Variants in APOLD1 observed in about 807,000 individuals in gnomAD.
APOLD1 encodes apolipoprotein L domain containing 1.
A neutral mutation model predicts 15.3 loss-of-function variants in APOLD1; 22 were observed. The ratio of observed to expected loss-of-function variants is 1.44; its 90% CI spans 1.03 to 2.05. APOLD1 has a LOEUF of 2.05. APOLD1 is among the 30% of genes most tolerant of loss of function. The probability of loss-of-function intolerance (pLI) is 0.00; values close to 1 mark genes in which losing one functional copy is unlikely to be tolerated. For synonymous variants in APOLD1, 190 were observed against 167.4 expected (o/e 1.13, Z -1.04); for missense variants, 394 against 353.5 (o/e 1.11, Z -0.92).
intron 1 of APOLD1, among the ~76,000 whole-genome samples, chr12:12,764,162 C>T (rs941364426): frequency 2.0e-5 from 3 of 152,098 alleles, no homozygotes; most frequent in African/African-American, 7.2e-5. Flanking sequence ...AGGGTTTCGC[C>T]ATGTTGGGCA....
chr12:12,731,463 A>G (rs1274313181), intron 1 of APOLD1, among the ~76,000 whole-genome samples: 1 of 152,204 alleles, frequency 6.6e-6, no homozygotes, highest in African/African-American at 2.4e-5. Flanking sequence ...ATTTGTGGTA[A>G]TAAATCAGTA....
rs192282914 is a variant in APOLD1 at position 12,745,627 on chromosome 12, C to G, written c.96+19531C>G. 6.6e-5 allele frequency among the ~76,000 whole-genome samples: 10 copies of G among 152,192 alleles called. No homozygotes were observed. In the East Asian group the frequency reaches 1.7e-3, roughly 26 times the overall value. On this transcript the variant is annotated intron_variant, in intron 1 of 1. Transcript: ENST00000326765. ...CAAAGAATATTTTAATGGAAAGCTT[C>G]CTATATTGCGTGTAGTGTAACATTC...
At chr12:12,735,247 T>TA (rs1314713614) in intron 1 of APOLD1, among the ~76,000 whole-genome samples, 2 of 151,424 alleles carry the variant, frequency 1.3e-5, no homozygotes, top group Non-Finnish European at 2.9e-5. Context: ...ACAAACAAAA[T>TA]AAAAAATGCC....
chr12:12,739,548 T>A (rs1351338907), intron 1 of APOLD1, among the ~76,000 whole-genome samples: 1 of 152,188 alleles, frequency 6.6e-6, no homozygotes, highest in Non-Finnish European at 1.5e-5. Flanking sequence ...CAGAGTGACT[T>A]GCAGAGTAAA....
intron 1 of APOLD1, among the ~76,000 whole-genome samples, chr12:12,754,328 A>T (rs1946839429): frequency 6.6e-6 from 1 of 151,988 alleles, no homozygotes; most frequent in Non-Finnish European, 1.5e-5. Flanking sequence ...CTCCCAAAGC[A>T]CTGGGATTAC....
upstream of APOLD1, among the ~76,000 whole-genome samples, chr12:12,781,375 C>T (rs559665646): frequency 5.3e-5 from 8 of 152,070 alleles, no homozygotes; most frequent in South Asian, 4.1e-4. Context: ...ACCTGGGAGG[C>T]GGAGGTTGCA....
intron 1 of APOLD1, chr12:12,771,466 T>C: frequency 4.2e-6 from 2 of 476,306 alleles, no homozygotes; most frequent in South Asian, 1.6e-5. Context: ...CTGGTTTCAG[T>C]GCAAAGTTTT....
intron 1 of APOLD1, among the ~76,000 whole-genome samples, chr12:12,751,584 C>T (rs752354175): frequency 8.6e-5 from 13 of 151,772 alleles, no homozygotes; most frequent in Non-Finnish European, 1.5e-4. Context: ...CTCCTGGCCT[C>T]GAATGATCCA....
chr12:12,763,507 T>TTG (rs1448658284), intron 1 of APOLD1, among the ~76,000 whole-genome samples: 3 of 67,926 alleles, frequency 4.4e-5, no homozygotes, highest in Non-Finnish European at 1.0e-4. Flanking sequence ...ATTGAAAATA[T>TTG]TGTGTGTGGG....
intron 1 of APOLD1, among the ~76,000 whole-genome samples, chr12:12,776,207 C>T (rs1365222853): frequency 1.3e-5 from 2 of 152,100 alleles, no homozygotes; most frequent in Non-Finnish European, 2.9e-5. Context: ...CCAACATTCT[C>T]TCACCTATAA....
chr12:12,768,211 C>G (rs1946955658), intron 1 of APOLD1, among the ~76,000 whole-genome samples: 1 of 152,104 alleles, frequency 6.6e-6, no homozygotes, highest in Admixed American at 6.6e-5. Context: ...GAAAAGGTCA[C>G]AGATAACTAG....
intron 1 of APOLD1, among the ~76,000 whole-genome samples, chr12:12,769,227 T>TAAA (rs35276279): frequency 4.9e-5 from 3 of 61,758 alleles, no homozygotes; most frequent in Non-Finnish European, 9.5e-5. Context: ...GACCTCCAGC[T>TAAA]AAAAAAAAAA....
chr12:12,755,428 G>GA (rs1009928954), intron 1 of APOLD1, among the ~76,000 whole-genome samples: 1 of 152,134 alleles, frequency 6.6e-6, no homozygotes, highest in Non-Finnish European at 1.5e-5. Flanking sequence ...ATATTAAGAT[G>GA]AAAAAATGTC....
Position 12,731,971 on chromosome 12 carries a change from C to T in APOLD1, c.96+5875C>T, listed in dbSNP as rs140794567. On this transcript the variant is annotated intron_variant, in intron 1 of 1. Coordinates refer to the APOLD1 transcript ENST00000326765. ...CCTTACTTTGTACATAGAAATCCCC[C>T]GAATCAGCCTCTTAAGGCCAGCACA... 2.8e-4 allele frequency among the ~76,000 whole-genome samples: 42 copies of T among 152,292 alleles called. 1 individual carries two copies. The highest frequency in any genetic ancestry group is 8.4e-4 in the African/African-American group (35 of 41,544).
At chr12:12,730,061 TGTGTGTGTGTGTGTGTGAGAGA>T (rs765498772) in intron 1 of APOLD1, among the ~76,000 whole-genome samples, 3,044 of 108,190 alleles carry the variant, frequency 0.028, 110 homozygotes, top group African/African-American at 0.096. Flanking sequence ...TGTGTGTGTG[TGTGTGTGTGTGTGTGTGAGAGA>T]GAGAGAGAGA....
intron 1 of APOLD1, among the ~76,000 whole-genome samples, chr12:12,747,578 A>G (rs2110598): frequency 0.34 from 50,959 of 152,066 alleles, 8,818 homozygotes; most frequent in East Asian, 0.59. Flanking sequence ...GGTATTGGGA[A>G]GCTCTTCTGA....
At chr12:12,734,871 G>GTTGGC in intron 1 of APOLD1, among the ~76,000 whole-genome samples, 1 of 152,238 alleles carries the variant, frequency 6.6e-6, no homozygotes, top group East Asian at 1.9e-4. Flanking sequence ...AAACAGGAGC[G>GTTGGC]CTGGCCTCCT....
intron 1 of APOLD1, among the ~76,000 whole-genome samples, chr12:12,755,703 G>T (rs1437330961): frequency 1.3e-5 from 2 of 152,156 alleles, no homozygotes; most frequent in Non-Finnish European, 2.9e-5. Flanking sequence ...TTAGCTGGAC[G>T]TGGTGGCACA....
At chr12:12,758,459 C>T (rs10734855) in intron 1 of APOLD1, among the ~76,000 whole-genome samples, 149,986 of 152,128 alleles carry the variant, frequency 0.99, 73,973 homozygotes, top group Middle Eastern at 1. Context: ...GCAAGAGAAT[C>T]GCTTGAACCT....
Sources: gnomAD v4.1 joint callset for allele counts (sites outside exome capture counted in the v4.1 genomes callset) on GRCh38, gnomAD v4.1.1 for gene constraint, MANE v1.5 for transcripts, NCBI Gene and HGNC (gene_info 2026-07-23, HGNC 2026-07-21) for gene names.